The following FBXO9 variants were observed in gnomAD, a reference collection of about 807,000 sequenced individuals.
FBXO9 encodes F-box protein 9.
A neutral mutation model predicts 63.7 loss-of-function variants in FBXO9; 43 were observed. The observed-to-expected ratio is 0.67, with a 90% CI of 0.53 to 0.87. The LOEUF (loss-of-function observed/expected upper bound fraction) is 0.87. Among genes scored for constraint, FBXO9 ranks in the 40% least tolerant of loss-of-function variants. The probability of loss-of-function intolerance (pLI) is 0.00; values close to 1 mark genes in which losing one functional copy is unlikely to be tolerated. For synonymous variants in FBXO9, 156 were observed against 171.7 expected (o/e 0.91, Z 0.72); for missense variants, 442 against 533.2 (o/e 0.83, Z 1.68).
intron 7 of FBXO9, among the ~76,000 whole-genome samples, chr6:53,087,418 A>G (rs1166056263): frequency 6.6e-6 from 1 of 152,010 alleles, no homozygotes; most frequent in Middle Eastern, 3.2e-3. Context: ...CTGGAGGGAA[A>G]AAATTAAGAG....
intron 7 of FBXO9, among the ~76,000 whole-genome samples, chr6:53,083,212 C>T (rs1251988464): frequency 1.3e-5 from 2 of 152,122 alleles, no homozygotes; most frequent in Non-Finnish European, 2.9e-5. Flanking sequence ...TTTTTAAAAA[C>T]AACTTGTTCT....
chr6:53,079,492 T>G (rs1769236660), intron 5 of FBXO9, among the ~76,000 whole-genome samples: 1 of 152,172 alleles, frequency 6.6e-6, no homozygotes, highest in South Asian at 2.1e-4. Flanking sequence ...AATTGTATAG[T>G]TGCCACTGCA....
intron 1 of FBXO9, among the ~76,000 whole-genome samples, chr6:53,066,903 C>T (rs978151953): frequency 6.6e-6 from 1 of 152,178 alleles, no homozygotes; most frequent in Non-Finnish European, 1.5e-5. Flanking sequence ...TCAACTCAGC[C>T]GATCCCAGAT....
rs1186449811 is a variant in FBXO9 at position 53,100,182 on chromosome 6, TAAAA to T, written c.*2356_*2359del. ...TAGAATATACAGATAAAATAAAATT[TAAAA>T]AAACACCCAAAGATAACCAGAAGAA... On this transcript the variant is annotated 3_prime_UTR_variant, in exon 13 of 13. Transcript: ENST00000323557. 1 of 152,140 alleles carries T rather than the reference TAAAA, an allele frequency of 6.6e-6. No individual in the cohort carries two copies. The allele number at this position is 152,140 out of a possible 1,614,324, so 9.4% of individuals were successfully genotyped here.
intron 7 of FBXO9, among the ~76,000 whole-genome samples, chr6:53,089,159 C>CT (rs1762977133): frequency 6.6e-6 from 1 of 151,856 alleles, no homozygotes; most frequent in African/African-American, 2.4e-5. Flanking sequence ...ACTGCAAGCT[C>CT]TGCCTCCCGG....
chr6:53,082,436 C>T (rs1455980510), intron 6 of FBXO9, 68 bp from the exon 7 acceptor site: 1 of 998,836 alleles, frequency 1.0e-6, no homozygotes, highest in South Asian at 1.5e-5. Context: ...TATAAATGTA[C>T]TGGGAATGTA....
chr6:53,070,017 C>CTTTTTTTTTTTTTTT (rs1032693222), intron 1 of FBXO9, among the ~76,000 whole-genome samples: 2 of 109,374 alleles, frequency 1.8e-5, no homozygotes, highest in Non-Finnish European at 3.7e-5. Flanking sequence ...TTCTTTTTTC[C>CTTTTTTTTTTTTTTT]TTTTTTTTTT....
chr6:53,071,575 G>T (rs1183840199), intron 2 of FBXO9, among the ~76,000 whole-genome samples: 1 of 152,172 alleles, frequency 6.6e-6, no homozygotes, highest in African/African-American at 2.4e-5. Context: ...AGGATAAAAA[G>T]ATATGAGTGG....
chr6:53,082,742 T>C, intron 7 of FBXO9, 124 bp downstream of exon 7: 1 of 666,984 alleles, frequency 1.5e-6, no homozygotes, highest in South Asian at 2.0e-5. Flanking sequence ...AATAAACAAG[T>C]TTTGCTAAGC....
intron 1 of FBXO9, chr6:53,070,855 G>T (rs998470685): frequency 1.3e-6 from 1 of 754,488 alleles, no homozygotes; most frequent in African/African-American, 1.8e-5. Flanking sequence ...TTGGAGTAGA[G>T]AATATGCTTT....
chr6:53,073,831 C>T (rs2127489007), intron 3 of FBXO9, 192 bp downstream of exon 3: 1 of 454,860 alleles, frequency 2.2e-6, no homozygotes, highest in East Asian at 3.5e-5. Context: ...TGGATGGTAC[C>T]ACTACTCCTG....
chr6:53,082,504 T>C lies in FBXO9; in HGVS notation c.539T>C (p.Val180Ala), dbSNP rs1213722773. ...ACTGAAGGATGATTTTCTTTTGCAG[T>C]GCTGCCAATGGAGGTCCTGATGTAC... ...ELESSQIHISVLPMEVLMYIF... is the reference protein window; with the variant it reads ...ELESSQIHISALPMEVLMYIF... Residue 180 changes from valine to alanine, a missense_variant and splice_region_variant, in exon 7 of 13, where the codon GTG (valine) becomes GCG (alanine). Val to Ala is a moderately conservative substitution (Grantham distance 64). Around this residue, in one of 2 missense-constraint regions of FBXO9, gnomAD observed 262 missense variants for 362.1 expected, o/e 0.72. Coordinates refer to ENST00000323557, the MANE Select transcript of FBXO9 (RefSeq NM_033480.3). 5.6e-6 allele frequency: 9 copies of C among 1,607,834 alleles called. No homozygotes were observed. Among genetic ancestry groups the C allele is most frequent in the Non-Finnish European group, 7.7e-6 (9 of 1,175,640 alleles).
At position 53,095,539 on chromosome 6, in the gene FBXO9, T is replaced by C; in HGVS notation, c.1080T>C (p.Tyr360=). The C allele has an allele frequency of 6.2e-7, 1 of 1,612,662 alleles. No homozygotes were observed. Among genetic ancestry groups the C allele is most frequent in the Non-Finnish European group, 8.5e-7 (1 of 1,179,418 alleles). ...EEKPLDYKYR[Y]FRRVPVQEAD... is the part of the protein sequence containing the mutation. The stretch of plus-strand genomic sequence containing the variant: ...AACCACTTGACTATAAATACAGATA[T>C]TTTCGTCGTGTCCCTGTACAAGAAG... Residue 360 remains tyrosine, a synonymous_variant, in exon 12 of 13, where the codon TAT becomes TAC. Coordinates refer to ENST00000323557, the MANE Select transcript of FBXO9 (RefSeq NM_033480.3).
intron 1 of FBXO9, among the ~76,000 whole-genome samples, chr6:53,070,089 G>A (rs1768861052): frequency 6.9e-6 from 1 of 144,584 alleles, no homozygotes; most frequent in South Asian, 2.2e-4. Context: ...TGCAGTCTCG[G>A]CTCACTGCAA....
chr6:53,071,239 G>C, intron 2 of FBXO9, 96 bp downstream of exon 2: 1 of 1,185,438 alleles, frequency 8.4e-7, no homozygotes, highest in Non-Finnish European at 1.2e-6. Context: ...GGTTATTACT[G>C]TTTGCATGGA....
At chr6:53,071,984 A>G (rs941628072) in intron 2 of FBXO9, among the ~76,000 whole-genome samples, 2 of 152,208 alleles carry the variant, frequency 1.3e-5, no homozygotes, top group African/African-American at 4.8e-5. Context: ...AAAAGGATGA[A>G]GTAAATCTTT....
At chr6:53,072,064 A>C (rs1347910568) in intron 2 of FBXO9, among the ~76,000 whole-genome samples, 1 of 152,198 alleles carries the variant, frequency 6.6e-6, no homozygotes, top group African/African-American at 2.4e-5. Flanking sequence ...AAGGTTAATA[A>C]TAATTATTTG....
At chr6:53,095,469 T>G in intron 11 of FBXO9, 44 bp from the exon 12 acceptor site, 4 of 1,526,500 alleles carry the variant, frequency 2.6e-6, no homozygotes, top group Non-Finnish European at 2.7e-6. Context: ...AACATAGAAG[T>G]GAGGTAAGGT....
intron 5 of FBXO9, 145 bp downstream of exon 5, chr6:53,079,043 TA>T (rs35757290): frequency 0.77 from 364,636 of 474,170 alleles, 142,926 homozygotes; most frequent in South Asian, 0.87. Context: ...AGAAATTTTT[TA>T]ATTAGGGAAA....
Sources: allele counts gnomAD v4.1 joint callset (sites outside exome capture counted in the v4.1 genomes callset), GRCh38; gene constraint gnomAD v4.1.1; regional missense constraint gnomAD v4.1.1; transcripts MANE v1.5; gene names NCBI Gene and HGNC (gene_info 2026-07-23, HGNC 2026-07-21).